SPA17: variants seen among roughly 807,000 people sequenced by gnomAD.
The protein encoded by SPA17 is sperm autoantigenic protein 17, also known as sperm surface protein Sp17.
SPA17 carries 7 observed loss-of-function variants against 13.8 expected under a neutral mutation model. That is an observed-to-expected ratio of 0.51 (90% CI 0.29 to 0.95). The LOEUF is 0.95. Ranked by LOEUF, SPA17 falls within the 40% of genes least tolerant of loss-of-function variation. SPA17 has a pLI of 0.08. For synonymous variants in SPA17, 61 were observed against 59.0 expected, an observed-to-expected ratio of 1.03 and a Z score of -0.16; for missense variants, 170 against 179.3, an observed-to-expected ratio of 0.95 and a Z score of 0.30.
chr11:124,681,567 A>AT, intron 3 of SPA17, 108 bp downstream of exon 3: 2 of 522,960 alleles, frequency 3.8e-6, no homozygotes, highest in Non-Finnish European at 6.2e-6. Flanking sequence ...GAGGCATCAC[A>AT]AATAACTTAT....
At chr11:124,690,980 G>A (rs974501367) in intron 3 of SPA17, among the ~76,000 whole-genome samples, 1 of 152,020 alleles carries the variant, frequency 6.6e-6, no homozygotes, top group Non-Finnish European at 1.5e-5. Flanking sequence ...CATGTTTATC[G>A]AAGTCAAAGG....
chr11:124,675,472 A>G (rs1446120295), intron 2 of SPA17, 54 bp downstream of exon 2: 12 of 1,581,884 alleles, frequency 7.6e-6, no homozygotes, highest in Non-Finnish European at 9.4e-6. Flanking sequence ...GCATTTGTTT[A>G]TGGTAAAACT....
At chr11:124,681,115 C>T (rs927109324) in intron 2 of SPA17, among the ~76,000 whole-genome samples, 2 of 151,990 alleles carry the variant, frequency 1.3e-5, no homozygotes, top group Admixed American at 1.3e-4. Context: ...TGTTCTTTTT[C>T]CCATTTTATT....
intron 3 of SPA17, among the ~76,000 whole-genome samples, chr11:124,686,783 G>C (rs1232231496): frequency 6.6e-6 from 1 of 151,968 alleles, no homozygotes; most frequent in Non-Finnish European, 1.5e-5. Flanking sequence ...CAAAACCTAT[G>C]GTATACAGAA....
At position 124,681,461 on chromosome 11, in the gene SPA17, T is replaced by G. The variant is rs1457134561; in HGVS notation, c.225+2T>G. 6.4e-7 allele frequency: 1 copy of G among 1,569,800 alleles called. No individual in the cohort carries two copies. On this transcript the variant is annotated splice_donor_variant, in intron 3 of 4. Coordinates refer to ENST00000227135, the MANE Select transcript of SPA17 (RefSeq NM_017425.4). LOFTEE classifies it high-confidence loss of function. ...TTCTATAACAATCATGCATTCGAGG[T>G]ATGGTCCTTTGAAGCTGTTGGATTT...
At position 124,681,399 on chromosome 11, in the gene SPA17, T is replaced by C; in HGVS notation, c.165T>C (p.Phe55=). The change falls in exon 3 of 5, where the codon TTT becomes TTC. Residue 55 remains phenylalanine, a synonymous_variant. Transcript: ENST00000227135. ...ATTTTTATTATTTAGAAACCAACTTTGATCCAGCAGAATGGGGGAGTAAGG... is the reference window on the plus strand; with the variant it reads ...ATTTTTATTATTTAGAAACCAACTTCGATCCAGCAGAATGGGGGAGTAAGG... ...SLLEKREKTN[F]DPAEWGSKVE... 3 of 1,574,014 alleles carry C rather than the reference T, an allele frequency of 1.9e-6. No individual in the cohort carries two copies. The highest frequency in any genetic ancestry group is 2.6e-6 in the Non-Finnish European group (3 of 1,157,034).
intron 2 of SPA17, among the ~76,000 whole-genome samples, chr11:124,676,870 A>G (rs1165018063): frequency 2.6e-5 from 4 of 152,216 alleles, no homozygotes; most frequent in African/African-American, 9.6e-5. Context: ...ACAAATCTGC[A>G]CGTGTATCCC....
chr11:124,681,438 C>T lies in SPA17; in HGVS notation c.204C>T (p.Phe68=), dbSNP rs1943529351. Residue 68 remains phenylalanine, a synonymous_variant, in exon 3 of 5, where the codon TTC becomes TTT. Transcript: ENST00000227135. ...AEWGSKVEDR[F]YNNHAFEEQE... ...GGGGGAGTAAGGTAGAAGACCGCTT[C>T]TATAACAATCATGCATTCGAGGTAT... 1 of 1,585,188 alleles carries T rather than the reference C, an allele frequency of 6.3e-7. No homozygotes were observed. The highest frequency in any genetic ancestry group is 2.3e-5 in the East Asian group (1 of 43,612).
rs554823902 is a variant in SPA17, at chr11:124,684,386, C to T, written c.225+2927C>T. 3.0e-4 allele frequency among the ~76,000 whole-genome samples: 46 copies of T among 152,162 alleles called. No individual in the cohort carries two copies. In the South Asian group the frequency reaches 9.2e-3, roughly 30 times the overall value. ...AAGTGATTCTCCTGCCTCAGCCTCC[C>T]GAGTAGCTGGAATTACAGGTGCATG... On this transcript the variant is annotated intron_variant, in intron 3 of 4. Coordinates refer to ENST00000227135, the MANE Select transcript of SPA17 (RefSeq NM_017425.4).
intron 3 of SPA17, among the ~76,000 whole-genome samples, chr11:124,686,882 C>G (rs189575525): frequency 1.3e-5 from 2 of 152,172 alleles, no homozygotes; most frequent in South Asian, 2.1e-4. Context: ...AGGATGAACT[C>G]AAGCAACTTG....
intron 2 of SPA17, among the ~76,000 whole-genome samples, chr11:124,680,533 G>A (rs1351367515): frequency 1.3e-5 from 2 of 152,322 alleles, no homozygotes; most frequent in East Asian, 3.9e-4. Context: ...AGCTGTGTGT[G>A]CCCGTTTTCG....
At chr11:124,692,406 C>G (rs1371467680) in intron 4 of SPA17, among the ~76,000 whole-genome samples, 1 of 151,838 alleles carries the variant, frequency 6.6e-6, no homozygotes, top group East Asian at 1.9e-4. Context: ...CGGTGAAACC[C>G]CATCTCTACT....
Position 124,694,344 on chromosome 11 carries a change from T to C in SPA17, c.354T>C (p.Ala118=). 1 of 1,614,052 alleles carries C rather than the reference T, an allele frequency of 6.2e-7. No homozygotes were observed. Among genetic ancestry groups the C allele is most frequent in the Non-Finnish European group, 8.5e-7 (1 of 1,179,988 alleles). Residue 118 remains alanine, a synonymous_variant, in exon 5 of 5, where the codon GCT becomes GCC. Coordinates refer to ENST00000227135, the MANE Select transcript of SPA17 (RefSeq NM_017425.4). ...ATAAGGAAAAAGAAGAGGTTGCTGC[T>C]GTCAAAATCCAAGCTGCCTTCCGGG... ...EEDKEKEEVA[A]VKIQAAFRGH... is the part of the protein sequence containing the mutation.
At chr11:124,685,512 A>G (rs1207131304) in intron 3 of SPA17, among the ~76,000 whole-genome samples, 1 of 152,220 alleles carries the variant, frequency 6.6e-6, no homozygotes, top group Non-Finnish European at 1.5e-5. Context: ...CGGAGCCCAC[A>G]CAGAGTCCCC....
chr11:124,684,266 ATT>A (rs578226081), intron 3 of SPA17, among the ~76,000 whole-genome samples: 4 of 146,920 alleles, frequency 2.7e-5, no homozygotes, highest in African/African-American at 5.0e-5. Context: ...TAATACAGTA[ATT>A]TTTTTTTTTT....
chr11:124,694,355 A>C lies in SPA17; in HGVS notation c.365A>C (p.Gln122Pro), dbSNP rs1410814079. The C allele has an allele frequency of 6.2e-7, 1 of 1,613,994 alleles. No homozygotes were observed. The highest frequency in any genetic ancestry group is 8.5e-7 in the Non-Finnish European group (1 of 1,180,000). ...EKEEVAAVKI[Q>P]AAFRGHIARE... is the part of the protein sequence containing the mutation. ...GAAGAGGTTGCTGCTGTCAAAATCCAAGCTGCCTTCCGGGGACACATAGCC... is the reference window on the plus strand; with the variant it reads ...GAAGAGGTTGCTGCTGTCAAAATCCCAGCTGCCTTCCGGGGACACATAGCC... Residue 122 changes from glutamine (Q) to proline (P), a missense_variant, in exon 5 of 5, where the codon CAA becomes CCA. Gln to Pro is a moderately conservative substitution (Grantham distance 76). Transcript: ENST00000227135.
intron 2 of SPA17, among the ~76,000 whole-genome samples, chr11:124,679,589 C>G (rs1021511002): frequency 1.3e-5 from 2 of 152,188 alleles, no homozygotes; most frequent in African/African-American, 4.8e-5. Context: ...TTTTCTAGCT[C>G]TGTACATTAA....
At position 124,682,764 on chromosome 11, in the gene SPA17, A is replaced by G. The variant is rs118183578; in HGVS notation, c.225+1305A>G. On this transcript the variant is annotated intron_variant, in intron 3 of 4. Transcript: ENST00000227135. ...CATAAAGCAGCTGAATATTTGAATT[A>G]TTGGTATCCGCAAGGACAAAAAGAT... Among the ~76,000 whole-genome samples, 645 of 152,306 alleles carry G rather than the reference A, an allele frequency of 4.2e-3. 2 individuals are homozygous for G. Among genetic ancestry groups the G allele is most frequent in the Non-Finnish European group, 7.4e-3 (502 of 68,010 alleles).
intron 3 of SPA17, among the ~76,000 whole-genome samples, chr11:124,686,308 A>G (rs953930661): frequency 2.6e-5 from 4 of 152,066 alleles, no homozygotes; most frequent in African/African-American, 9.7e-5. Flanking sequence ...AGGCCTCCCC[A>G]GCCATGCAGA....
Sources: allele counts gnomAD v4.1 joint callset (sites outside exome capture counted in the v4.1 genomes callset), GRCh38; gene constraint gnomAD v4.1.1; transcripts MANE v1.5; gene names NCBI Gene and HGNC (gene_info 2026-07-23, HGNC 2026-07-21).